Variants in CCDC6 observed in about 807,000 individuals in gnomAD.
CCDC6 encodes coiled-coil domain-containing protein 6.
A neutral mutation model predicts 56.6 loss-of-function variants in CCDC6; 20 were observed. The observed-to-expected ratio is 0.35, with a 90% CI of 0.25 to 0.51. The LOEUF (loss-of-function observed/expected upper bound fraction) is 0.51. Among genes scored for constraint, CCDC6 ranks in the 20% least tolerant of loss-of-function variants. The probability of loss-of-function intolerance (pLI) is 0.95; values close to 1 mark genes in which losing one functional copy is unlikely to be tolerated. For synonymous variants in CCDC6, 241 were observed against 234.4 expected, an observed-to-expected ratio of 1.03 and a Z score of -0.26; for missense variants, 367 against 601.1, an observed-to-expected ratio of 0.61 and a Z score of 4.07.
At chr10:59,797,663 A>AGG (rs1236822590) in intron 7 of CCDC6, among the ~76,000 whole-genome samples, 1 of 121,470 alleles carries the variant, frequency 8.2e-6, no homozygotes, top group African/African-American at 4.0e-5. Context: ...AGTGAGTGAG[A>AGG]GAGAGAGAGA....
intron 3 of CCDC6, among the ~76,000 whole-genome samples, chr10:59,823,866 T>C (rs2132638550): frequency 6.6e-6 from 1 of 152,326 alleles, no homozygotes; most frequent in African/African-American, 2.4e-5. Flanking sequence ...ATTTCACAAT[T>C]ACAACTAGAA....
At chr10:59,843,252 T>A (rs2132650849) in intron 2 of CCDC6, among the ~76,000 whole-genome samples, 1 of 152,352 alleles carries the variant, frequency 6.6e-6, no homozygotes, top group Middle Eastern at 3.4e-3. Flanking sequence ...GGACCTGGAA[T>A]TCATTGTTTA....
intron 7 of CCDC6, among the ~76,000 whole-genome samples, chr10:59,800,787 T>C (rs927077324): frequency 6.6e-6 from 1 of 152,078 alleles, no homozygotes; most frequent in African/African-American, 2.4e-5. Context: ...AGAACCTAAG[T>C]TGAAATTGCC....
At chr10:59,826,910 T>G (rs185589140) in intron 3 of CCDC6, among the ~76,000 whole-genome samples, 2 of 152,344 alleles carry the variant, frequency 1.3e-5, no homozygotes, top group African/African-American at 4.8e-5. Context: ...TTTGGAGAGC[T>G]AACAGATTAG....
intron 1 of CCDC6, among the ~76,000 whole-genome samples, chr10:59,903,859 T>A (rs2071522048): frequency 6.6e-6 from 1 of 152,076 alleles, no homozygotes; most frequent in Non-Finnish European, 1.5e-5. Flanking sequence ...TTTCATGGAG[T>A]CACATAAATT....
intron 1 of CCDC6, among the ~76,000 whole-genome samples, chr10:59,897,256 ATT>A (rs953926335): frequency 1.4e-5 from 2 of 145,340 alleles, no homozygotes; most frequent in African/African-American, 2.5e-5. Flanking sequence ...TATTAGGATA[ATT>A]TTTTTTTTTT....
chr10:59,870,881 G>A (rs1664254), intron 1 of CCDC6, among the ~76,000 whole-genome samples: 1 of 152,034 alleles, frequency 6.6e-6, no homozygotes, highest in Non-Finnish European at 1.5e-5. Flanking sequence ...CCACCAGCCC[G>A]GGACTATTAA....
At chr10:59,905,340 A>G (rs2071534972) in intron 1 of CCDC6, among the ~76,000 whole-genome samples, 1 of 152,174 alleles carries the variant, frequency 6.6e-6, no homozygotes, top group South Asian at 2.1e-4. Context: ...ATCTAGACTC[A>G]GAAGCAAGAT....
chr10:59,814,090 A>G (rs1187858870), intron 4 of CCDC6, among the ~76,000 whole-genome samples: 2 of 152,204 alleles, frequency 1.3e-5, no homozygotes, highest in Non-Finnish European at 2.9e-5. Context: ...GGGCTTAACT[A>G]TCTTGCACAA....
In CCDC6 at chr10:59,810,215, C is replaced by G. The variant is rs544880402; in HGVS notation, c.847+2420G>C. Among the ~76,000 whole-genome samples, 3 of 152,322 alleles carry G rather than the reference C, an allele frequency of 2.0e-5. No individual in the cohort carries two copies. In the East Asian group the frequency reaches 5.8e-4, roughly 29 times the overall value. On this transcript the variant is annotated intron_variant, in intron 5 of 8. Transcript: ENST00000263102. ...TGCATCCAAAAGAGGCCCAGGTCAT[C>G]TAACCTAAGGAGAATGCAAGGAATG... is the stretch of plus-strand genomic sequence containing the variant.
intron 2 of CCDC6, 115 bp from the exon 3 acceptor site, chr10:59,832,768 T>C: frequency 1.8e-6 from 2 of 1,134,546 alleles, no homozygotes; most frequent in Non-Finnish European, 1.2e-6. Context: ...ACATTACCCA[T>C]TTTTGCTCAA....
chr10:59,833,738 A>G (rs2070854869), intron 2 of CCDC6, among the ~76,000 whole-genome samples: 1 of 152,030 alleles, frequency 6.6e-6, no homozygotes, highest in Admixed American at 6.6e-5. Context: ...TGAAGCACAC[A>G]AAAGTTTTAG....
At chr10:59,878,102 G>C (rs997300300) in intron 1 of CCDC6, among the ~76,000 whole-genome samples, 1 of 152,172 alleles carries the variant, frequency 6.6e-6, no homozygotes, top group Non-Finnish European at 1.5e-5. Flanking sequence ...CAGTACCTCA[G>C]TTCCTTAGTA....
Position 59,832,718 on chromosome 10 carries a change from C to T in CCDC6, c.454-65G>A, listed in dbSNP as rs543462621. ...CTCAAATGCCATGGAAACACTGGCT[C>T]CAAAAGGTGACTATACAAAGAAGCT... On this transcript the variant is annotated intron_variant, in intron 2 of 8. Coordinates refer to ENST00000263102, the MANE Select transcript of CCDC6 (RefSeq NM_005436.5). 4 of 1,537,908 alleles carry T rather than the reference C, an allele frequency of 2.6e-6. No homozygotes were observed. In the Admixed American group the frequency reaches 5.8e-5, roughly 22 times the overall value.
intron 1 of CCDC6, among the ~76,000 whole-genome samples, chr10:59,883,253 A>G (rs2071359379): frequency 1.3e-5 from 2 of 152,226 alleles, no homozygotes; most frequent in African/African-American, 2.4e-5. Context: ...GAAAAGGACT[A>G]AAGTATAGCA....
chr10:59,835,273 C>T (rs1253684944), intron 2 of CCDC6, among the ~76,000 whole-genome samples: 5 of 152,162 alleles, frequency 3.3e-5, no homozygotes, highest in Non-Finnish European at 5.9e-5. Flanking sequence ...CTCTTGCCCA[C>T]CAAGCAGCGT....
At chr10:59,850,978 T>G (rs973825465) in intron 2 of CCDC6, among the ~76,000 whole-genome samples, 4 of 151,832 alleles carry the variant, frequency 2.6e-5, no homozygotes, top group Admixed American at 2.0e-4. Flanking sequence ...CCTTAAAAGG[T>G]AGGTAGGTTA....
At chr10:59,837,356 T>C (rs760526877) in intron 2 of CCDC6, among the ~76,000 whole-genome samples, 1 of 152,214 alleles carries the variant, frequency 6.6e-6, no homozygotes, top group Non-Finnish European at 1.5e-5. Context: ...AAAATGTCAA[T>C]GTGCAGGTCT....
intron 3 of CCDC6, among the ~76,000 whole-genome samples, chr10:59,831,797 TA>T (rs1250020706): frequency 6.6e-6 from 1 of 152,204 alleles, no homozygotes; most frequent in Middle Eastern, 3.2e-3. Flanking sequence ...TTCTCTGTGA[TA>T]ATGGGGCATA....
Sources: gnomAD v4.1 joint callset for allele counts (sites outside exome capture counted in the v4.1 genomes callset) on GRCh38, gnomAD v4.1.1 for gene constraint, MANE v1.5 for transcripts, NCBI Gene and HGNC (gene_info 2026-07-23, HGNC 2026-07-21) for gene names.